Variants in ST14 observed in about 807,000 individuals in gnomAD.
The protein encoded by ST14 is suppressor of tumorigenicity 14 protein.
A neutral mutation model predicts 96.5 loss-of-function variants in ST14; 40 were observed. That is an observed-to-expected ratio of 0.41 (90% CI 0.32 to 0.54). The LOEUF is 0.54. ST14 is among the 20% of genes least tolerant of loss of function. The pLI is 0.17. For missense variants in ST14, 1,066 were observed against 1,188.9 expected (o/e 0.90, Z 1.52); for synonymous variants, 506 against 492.1 (o/e 1.03, Z -0.37).
chr11:130,196,734 G>C, intron 11 of ST14, 34 bp downstream of exon 11: 2 of 1,614,102 alleles, frequency 1.2e-6, no homozygotes, highest in Non-Finnish European at 1.7e-6. Context: ...GGGCTGGCGG[G>C]GGCCTGCACC....
At chr11:130,203,694 C>T (rs1390315065) in intron 16 of ST14, among the ~76,000 whole-genome samples, 1 of 152,102 alleles carries the variant, frequency 6.6e-6, no homozygotes, top group Non-Finnish European at 1.5e-5. Context: ...CTTTTGTTGC[C>T]CAGGCTGGAG....
intron 1 of ST14, among the ~76,000 whole-genome samples, chr11:130,166,100 G>C (rs967811109): frequency 6.6e-6 from 1 of 152,230 alleles, no homozygotes; most frequent in Non-Finnish European, 1.5e-5. Flanking sequence ...TCCTTAGCTG[G>C]TGGACCAGGA....
intron 16 of ST14, among the ~76,000 whole-genome samples, chr11:130,203,437 T>C (rs1186844055): frequency 6.6e-6 from 1 of 152,194 alleles, no homozygotes; most frequent in Non-Finnish European, 1.5e-5. Context: ...GACTCTGGTC[T>C]GCACCACTCG....
At chr11:130,170,609 C>T (rs1013324959) in intron 1 of ST14, among the ~76,000 whole-genome samples, 3 of 151,842 alleles carry the variant, frequency 2.0e-5, no homozygotes, top group South Asian at 2.1e-4. Context: ...GTTCGGTAGG[C>T]GGTAGGGGAG....
intron 1 of ST14, among the ~76,000 whole-genome samples, chr11:130,168,115 A>G (rs187609315): frequency 1.3e-5 from 2 of 152,318 alleles, no homozygotes; most frequent in African/African-American, 4.8e-5. Flanking sequence ...TCATCGAGGG[A>G]ACATATCATT....
chr11:130,200,235 G>T (rs1439702947), intron 16 of ST14, 98 bp downstream of exon 16: 10 of 1,402,306 alleles, frequency 7.1e-6, no homozygotes, highest in Non-Finnish European at 9.9e-6. Flanking sequence ...GCACTGGAGG[G>T]GTGGCCACAT....
At chr11:130,184,291 A>G (rs1231612197) in intron 1 of ST14, among the ~76,000 whole-genome samples, 1 of 152,218 alleles carries the variant, frequency 6.6e-6, no homozygotes, top group Non-Finnish European at 1.5e-5. Flanking sequence ...TGCTTTTTAA[A>G]TTTAATGGAA....
In ST14 at chr11:130,197,946, G is replaced by C. The variant is rs1409874043; in HGVS notation, c.1459+1G>C. On this transcript the variant is annotated splice_donor_variant, in intron 12 of 18. Coordinates refer to ENST00000278742, the MANE Select transcript of ST14 (RefSeq NM_021978.4). LOFTEE classifies it high-confidence loss of function. ...GACCACAGCGATGAGCTCAACTGCA[G>C]TGAGTCAGGCTGGGAGCCCCGGTCT... The C allele has an allele frequency of 6.3e-7, 1 of 1,577,716 alleles. No homozygotes were observed. The highest frequency in any genetic ancestry group is 1.8e-5 in the Admixed American group (1 of 56,132).
chr11:130,172,293 T>TG (rs1358868309), intron 1 of ST14, among the ~76,000 whole-genome samples: 2 of 151,632 alleles, frequency 1.3e-5, no homozygotes, highest in Non-Finnish European at 2.9e-5. Context: ...TTTGTAGAGA[T>TG]GGGGGTCTCT....
chr11:130,209,630 G>A, intron 18 of ST14, 32 bp from the exon 19 acceptor site: 2 of 1,581,020 alleles, frequency 1.3e-6, no homozygotes, highest in Non-Finnish European at 8.6e-7. Context: ...AGGCGGGACT[G>A]GGGACTCACG....
Position 130,188,213 on chromosome 11 carries a change from G to T in ST14, c.181G>T (p.Val61Leu). ...GGGGCGCTGGGTGGTGCTGGCAGCC[G>T]TGCTGATCGGCCTCCTCTTGGTCTT... is the stretch of plus-strand genomic sequence containing the variant. ...GPGRWVVLAA[V>L]LIGLLLVLLG... Residue 61 changes from valine to leucine, a missense_variant, in exon 2 of 19, where the codon GTG (valine) becomes TTG (leucine). By Grantham distance (32) the Val-to-Leu change is conservative (BLOSUM62 1). Transcript: ENST00000278742. The surrounding 1 kb of genome is among the most constrained non-coding windows in gnomAD (Gnocchi z 5.4). 1.2e-6 allele frequency: 2 copies of T among 1,614,184 alleles called. No individual in the cohort carries two copies. The highest frequency in any genetic ancestry group is 1.7e-6 in the Non-Finnish European group (2 of 1,180,030).
chr11:130,191,559 G>A (rs921020526), intron 7 of ST14, among the ~76,000 whole-genome samples: 8 of 151,548 alleles, frequency 5.3e-5, no homozygotes, highest in Admixed American at 3.3e-4. Context: ...GTGTGGTGGC[G>A]GGCGCCTGTA....
chr11:130,204,789 A>G (rs1251127226), intron 16 of ST14, among the ~76,000 whole-genome samples: 1 of 152,050 alleles, frequency 6.6e-6, no homozygotes, highest in Non-Finnish European at 1.5e-5. Flanking sequence ...ACTCCAGCCT[A>G]GGCAACAGAG....
intron 8 of ST14, 62 bp from the exon 9 acceptor site, chr11:130,194,578 C>A: frequency 6.4e-7 from 1 of 1,555,120 alleles, no homozygotes; most frequent in South Asian, 1.1e-5. Flanking sequence ...GCAGAGCCCT[C>A]GTCCGCCTGC....
At chr11:130,203,046 G>T (rs1397236115) in intron 16 of ST14, among the ~76,000 whole-genome samples, 1 of 152,190 alleles carries the variant, frequency 6.6e-6, no homozygotes, top group African/African-American at 2.4e-5. Context: ...TGAGTCTGCT[G>T]ATAGAATCAA....
At chr11:130,173,417 G>A (rs967107618) in intron 1 of ST14, among the ~76,000 whole-genome samples, 1 of 152,100 alleles carries the variant, frequency 6.6e-6, no homozygotes, top group Non-Finnish European at 1.5e-5. Context: ...GCCAAATGGC[G>A]AAATCCTGTC....
intron 16 of ST14, among the ~76,000 whole-genome samples, chr11:130,207,030 T>C (rs1288677411): frequency 6.6e-6 from 1 of 152,222 alleles, no homozygotes; most frequent in African/African-American, 2.4e-5. Flanking sequence ...TCGGGGTTCT[T>C]ATTGTCCTAA....
At chr11:130,207,638 A>T (rs1156844312) in intron 16 of ST14, among the ~76,000 whole-genome samples, 2 of 152,200 alleles carry the variant, frequency 1.3e-5, no homozygotes, top group Admixed American at 1.3e-4. Flanking sequence ...CTTTCCCCCC[A>T]GTGGGGTGGG....
At position 130,196,337 on chromosome 11, in the gene ST14, A is replaced by G; in HGVS notation, c.1114-2A>G. The G allele has an allele frequency of 6.3e-7, 1 of 1,583,616 alleles. No homozygotes were observed. The highest frequency in any genetic ancestry group is 1.2e-5 in the South Asian group (1 of 86,436). ...CATTCCCAGCAGCCTCTCTTCCCTC[A>G]GGTGCCCAACAACCAGCATGTGAAG... On this transcript the variant is annotated splice_acceptor_variant, in intron 9 of 18. Coordinates refer to ENST00000278742, the MANE Select transcript of ST14 (RefSeq NM_021978.4). LOFTEE classifies it high-confidence loss of function.
Sources: allele counts gnomAD v4.1 joint callset (sites outside exome capture counted in the v4.1 genomes callset), GRCh38; gene constraint gnomAD v4.1.1; non-coding constraint Gnocchi (gnomAD v3.1); transcripts MANE v1.5; gene names NCBI Gene and HGNC (gene_info 2026-07-23, HGNC 2026-07-21).